Variants in PLCB4 observed in about 807,000 individuals in gnomAD.
PLCB4 encodes phospholipase C beta 4.
In PLCB4, 77 loss-of-function variants were observed where a neutral mutation model predicts 178.8. That is an observed-to-expected ratio of 0.43 (90% CI 0.36 to 0.52). PLCB4 has a LOEUF of 0.52. PLCB4 is among the 20% of genes least tolerant of loss of function. The probability of loss-of-function intolerance (pLI) is 0.00; values close to 1 mark genes in which losing one functional copy is unlikely to be tolerated. For synonymous variants in PLCB4, 496 were observed against 490.8 expected, an observed-to-expected ratio of 1.01 and a Z score of -0.14; for missense variants, 1,024 against 1,453.4, an observed-to-expected ratio of 0.70 and a Z score of 4.80.
chr20:9,215,796 T>C (rs1332778357), intron 2 of PLCB4, among the ~76,000 whole-genome samples: 3 of 152,212 alleles, frequency 2.0e-5, no homozygotes, highest in African/African-American at 7.2e-5. Context: ...TCCCTCCAGA[T>C]GCGTTATTTG....
intron 3 of PLCB4, among the ~76,000 whole-genome samples, chr20:9,229,386 C>T (rs2093906264): frequency 6.6e-6 from 1 of 152,034 alleles, no homozygotes. Context: ...AGAAATTCTG[C>T]AAACAAAGGA....
intron 30 of PLCB4, 80 bp downstream of exon 30, chr20:9,437,232 T>C (rs2041829330): frequency 7.8e-7 from 1 of 1,284,292 alleles, no homozygotes; most frequent in African/African-American, 1.5e-5. Context: ...CTTTAGGAAA[T>C]ATATAAATTC....
At chr20:9,323,679 T>G (rs2029873241) in intron 4 of PLCB4, among the ~76,000 whole-genome samples, 1 of 152,186 alleles carries the variant, frequency 6.6e-6, no homozygotes, top group Non-Finnish European at 1.5e-5. Flanking sequence ...TAAATCTCCC[T>G]TCAAGAGACA....
At chr20:9,261,274 T>C (rs2094294809) in intron 3 of PLCB4, among the ~76,000 whole-genome samples, 1 of 152,168 alleles carries the variant, frequency 6.6e-6, no homozygotes, top group Middle Eastern at 3.2e-3. Flanking sequence ...ACTTCTTCTC[T>C]AATCATATAT....
Position 9,404,127 on chromosome 20 carries a change from G to A in PLCB4, c.1612-1186G>A, listed in dbSNP as rs145047162. 2.6e-5 allele frequency among the ~76,000 whole-genome samples: 4 copies of A among 152,272 alleles called. No individual in the cohort carries two copies. The East Asian group carries it at 7.7e-4, about 29-fold the overall frequency. On this transcript the variant is annotated intron_variant, in intron 20 of 39. Coordinates refer to ENST00000378473, the MANE Select transcript of PLCB4 (RefSeq NM_001377142.1). ...GAGTGTGTTTGAAAACTTGGAAGTG[G>A]TGCAGTAGAGAGGAAGAGATTAGTT... is the stretch of plus-strand genomic sequence containing the variant.
intron 37 of PLCB4, among the ~76,000 whole-genome samples, chr20:9,473,071 G>A (rs945056160): frequency 6.6e-6 from 1 of 152,096 alleles, no homozygotes; most frequent in Admixed American, 6.6e-5. Context: ...TTAGTCATGC[G>A]TAAGTCCTCT....
intron 3 of PLCB4, among the ~76,000 whole-genome samples, chr20:9,249,193 T>C (rs1043498191): frequency 6.6e-6 from 1 of 152,174 alleles, no homozygotes; most frequent in African/African-American, 2.4e-5. Context: ...ATTCAGTTGA[T>C]TAGCATTTTA....
intron 2 of PLCB4, among the ~76,000 whole-genome samples, chr20:9,156,707 C>A (rs955242174): frequency 6.6e-6 from 1 of 151,952 alleles, no homozygotes; most frequent in African/African-American, 2.4e-5. Flanking sequence ...GCAATCAGAT[C>A]GTATTATCTG....
chr20:9,461,200 T>C lies in PLCB4; in HGVS notation c.3248+1390T>C, dbSNP rs375823896. On this transcript the variant is annotated intron_variant, in intron 35 of 39. Transcript: ENST00000378473. ...TTATCTGAAAGGAAAAAACAAAATA[T>C]ACTAATTCTTGAATTGCTTAGGAAG... 7.5e-4 allele frequency among the ~76,000 whole-genome samples: 114 copies of C among 152,344 alleles called. 5 individuals carry two copies. In the South Asian group the frequency reaches 0.023, roughly 31 times the overall value.
chr20:9,237,086 A>T (rs2094001531), intron 3 of PLCB4, among the ~76,000 whole-genome samples: 1 of 152,210 alleles, frequency 6.6e-6, no homozygotes, highest in African/African-American at 2.4e-5. Context: ...ATGAAAAAAA[A>T]GACGGCTTTT....
intron 7 of PLCB4, among the ~76,000 whole-genome samples, chr20:9,349,062 A>G (rs139176201): frequency 1.1e-3 from 172 of 152,190 alleles, no homozygotes; most frequent in African/African-American, 4.0e-3. Context: ...GTAAAAAAAA[A>G]AAAAGAAAAG....
At chr20:9,089,143 A>G (rs1406470182) in intron 1 of PLCB4, among the ~76,000 whole-genome samples, 1 of 152,026 alleles carries the variant, frequency 6.6e-6, no homozygotes. Context: ...TTCAAAGTAC[A>G]AAATAGCCTT....
At chr20:9,448,037 A>G (rs1883493) in intron 32 of PLCB4, among the ~76,000 whole-genome samples, 33,157 of 152,092 alleles carry the variant, frequency 0.22, 4,117 homozygotes, top group East Asian at 0.36. Flanking sequence ...TAAGAAAAGA[A>G]TATAGGAAAT....
intron 3 of PLCB4, among the ~76,000 whole-genome samples, chr20:9,278,039 C>G (rs2094464820): frequency 6.6e-6 from 1 of 151,812 alleles, no homozygotes; most frequent in Non-Finnish European, 1.5e-5. Flanking sequence ...CACAAGCCAC[C>G]CAGAGTGAAT....
intron 1 of PLCB4, among the ~76,000 whole-genome samples, chr20:9,078,331 A>C (rs2089976695): frequency 6.9e-6 from 1 of 144,834 alleles, no homozygotes; most frequent in Non-Finnish European, 1.5e-5. Context: ...TATAAATTAG[A>C]AACTATACCT....
intron 27 of PLCB4, among the ~76,000 whole-genome samples, chr20:9,421,744 C>T (rs955879915): frequency 4.6e-5 from 7 of 152,116 alleles, no homozygotes; most frequent in African/African-American, 9.7e-5. Context: ...TGGACACCAT[C>T]GTACACTAGA....
chr20:9,247,462 A>G (rs1484472245), intron 3 of PLCB4, among the ~76,000 whole-genome samples: 1 of 152,180 alleles, frequency 6.6e-6, no homozygotes, highest in Non-Finnish European at 1.5e-5. Flanking sequence ...CTCTTTTTGA[A>G]TAAAAATACA....
At chr20:9,187,292 A>C (rs1600996659) in intron 2 of PLCB4, among the ~76,000 whole-genome samples, 1 of 152,060 alleles carries the variant, frequency 6.6e-6, no homozygotes, top group Admixed American at 6.6e-5. Context: ...ACTTTAAAAC[A>C]CAGCCATGCC....
intron 19 of PLCB4, among the ~76,000 whole-genome samples, chr20:9,397,907 G>T (rs903428533): frequency 2.6e-5 from 4 of 152,146 alleles, no homozygotes; most frequent in Non-Finnish European, 4.4e-5. Context: ...TCTCCCTTGG[G>T]TTTCTCCTGC....
Sources: allele counts gnomAD v4.1 joint callset (sites outside exome capture counted in the v4.1 genomes callset), GRCh38; gene constraint gnomAD v4.1.1; transcripts MANE v1.5; gene names NCBI Gene and HGNC (gene_info 2026-07-23, HGNC 2026-07-21).